Variants in KIAA1549L observed in about 807,000 individuals in gnomAD.
The protein encoded by KIAA1549L is UPF0606 protein KIAA1549L.
In KIAA1549L, 88 loss-of-function variants were observed where a neutral mutation model predicts 160.7. The ratio of observed to expected loss-of-function variants is 0.55; its 90% CI spans 0.46 to 0.65. KIAA1549L has a LOEUF of 0.65. Among genes scored for constraint, KIAA1549L ranks in the 30% least tolerant of loss-of-function variants. The pLI is 0.00. For missense variants in KIAA1549L, 2,258 were observed against 2,437.5 expected (o/e 0.93, Z 1.55); for synonymous variants, 950 against 976.7 (o/e 0.97, Z 0.51).
chr11:33,495,825 G>T (rs557252428), intron 1 of KIAA1549L, among the ~76,000 whole-genome samples: 88 of 151,886 alleles, frequency 5.8e-4, no homozygotes, highest in Non-Finnish European at 7.8e-4. Flanking sequence ...CATTCTAACT[G>T]GTGTGAGATG....
intron 1 of KIAA1549L, among the ~76,000 whole-genome samples, chr11:33,405,359 A>C (rs1850623093): frequency 6.6e-6 from 1 of 152,200 alleles, no homozygotes; most frequent in African/African-American, 2.4e-5. Flanking sequence ...AACAAAAAAG[A>C]CATTACAGAA....
chr11:33,503,762 A>G (rs1853008661), intron 1 of KIAA1549L, among the ~76,000 whole-genome samples: 1 of 152,242 alleles, frequency 6.6e-6, no homozygotes, highest in Admixed American at 6.5e-5. Context: ...TCATTTGACA[A>G]CTGGATTCAC....
In KIAA1549L at chr11:33,389,559, A is replaced by T. The variant is rs569439891; in HGVS notation, c.238+12670A>T. ...TTTGGCAGTTTCCTGTTATTATCTT[A>T]TTAATACTGGAGATGAACGTATGAA... On this transcript the variant is annotated intron_variant, in intron 1 of 20. Transcript: ENST00000658780. Among the ~76,000 whole-genome samples, 11 of 152,280 alleles carry T rather than the reference A, an allele frequency of 7.2e-5. No individual in the cohort carries two copies. The South Asian group carries it at 2.3e-3, about 32-fold the overall frequency.
chr11:33,608,042 C>T (rs545042137), intron 14 of KIAA1549L, among the ~76,000 whole-genome samples: 361 of 152,256 alleles, frequency 2.4e-3, no homozygotes, highest in Non-Finnish European at 4.1e-3. Context: ...TCCTGTCCAG[C>T]GCTCCTTTCC....
intron 12 of KIAA1549L, 129 bp from the exon 13 acceptor site, chr11:33,598,691 C>T: frequency 7.0e-6 from 8 of 1,146,820 alleles, no homozygotes; most frequent in Non-Finnish European, 9.8e-6. Context: ...TTTTCTGTAT[C>T]GTTTCCTCTT....
intron 1 of KIAA1549L, among the ~76,000 whole-genome samples, chr11:33,428,758 CAT>C (rs1398128345): frequency 6.6e-5 from 10 of 152,280 alleles, no homozygotes; most frequent in Admixed American, 1.3e-4. Context: ...CTGCAATAAA[CAT>C]ATGTGTGCAT....
At chr11:33,622,370 C>G (rs1247807175) in intron 16 of KIAA1549L, among the ~76,000 whole-genome samples, 2 of 152,124 alleles carry the variant, frequency 1.3e-5, no homozygotes, top group African/African-American at 4.8e-5. Flanking sequence ...CAGGGCTGGC[C>G]CTGAGGAGGG....
chr11:33,652,557 A>G (rs1344154799), intron 17 of KIAA1549L, among the ~76,000 whole-genome samples: 3 of 152,214 alleles, frequency 2.0e-5, no homozygotes, highest in Non-Finnish European at 4.4e-5. Context: ...AGACATAGAA[A>G]GCCTTTTCTT....
intron 1 of KIAA1549L, among the ~76,000 whole-genome samples, chr11:33,452,042 A>G (rs1851730952): frequency 6.6e-6 from 1 of 152,158 alleles, no homozygotes; most frequent in South Asian, 2.1e-4. Flanking sequence ...GATTTTCCCC[A>G]TTGTGCTATG....
intron 1 of KIAA1549L, among the ~76,000 whole-genome samples, chr11:33,532,463 C>G (rs79310264): frequency 3.9e-5 from 6 of 152,190 alleles, no homozygotes; most frequent in Non-Finnish European, 8.8e-5. Flanking sequence ...AAGGACTTTA[C>G]GCGTATCAGC....
chr11:33,398,275 A>T (rs547718653), intron 1 of KIAA1549L, among the ~76,000 whole-genome samples: 1 of 134,254 alleles, frequency 7.4e-6, no homozygotes, highest in Non-Finnish European at 1.6e-5. Flanking sequence ...TCAAAAATGT[A>T]AAAAAAAAAA....
intron 1 of KIAA1549L, among the ~76,000 whole-genome samples, chr11:33,425,027 A>C (rs1412746696): frequency 6.6e-6 from 1 of 152,200 alleles, no homozygotes; most frequent in Non-Finnish European, 1.5e-5. Context: ...GTGCTAGTTA[A>C]ATGAATGAAC....
In KIAA1549L at chr11:33,543,319, A is replaced by G. The variant is rs1018722940; in HGVS notation, c.1756A>G (p.Arg586Gly). ...GACGATTCCTCTCCAGGCCTTTCCAAGGAAAGAGGTTTTGAGTCTTCACAC... is the reference window on the plus strand; with the variant it reads ...GACGATTCCTCTCCAGGCCTTTCCAGGGAAAGAGGTTTTGAGTCTTCACAC... ...NVTIPLQAFP[R>G]KEVLSLHTVN... Residue 586 changes from arginine to glycine, a missense_variant, in exon 2 of 21, where the codon AGG becomes GGG. Around this residue, in one of 6 missense-constraint regions of KIAA1549L, gnomAD observed 540 missense variants for 465.7 expected, o/e 1.16. Transcript: ENST00000658780. The G allele has an allele frequency of 6.2e-7, 1 of 1,614,068 alleles. No individual in the cohort carries two copies. Among genetic ancestry groups the G allele is most frequent in the Non-Finnish European group, 8.5e-7 (1 of 1,179,900 alleles).
intron 1 of KIAA1549L, among the ~76,000 whole-genome samples, chr11:33,527,099 C>A (rs751851787): frequency 6.6e-6 from 1 of 152,034 alleles, no homozygotes; most frequent in Non-Finnish European, 1.5e-5. Flanking sequence ...CCTAATCCAA[C>A]AAAGACAAAG....
At chr11:33,455,157 A>G (rs7943651) in intron 1 of KIAA1549L, among the ~76,000 whole-genome samples, 54,645 of 152,178 alleles carry the variant, frequency 0.36, 11,445 homozygotes, top group South Asian at 0.46. Flanking sequence ...CAAAGGTTTA[A>G]TGATTGCTCC....
In KIAA1549L at chr11:33,545,014, A is replaced by C. The variant is rs375981012; in HGVS notation, c.3021A>C (p.Thr1007=). 1.4e-5 allele frequency: 22 copies of C among 1,613,826 alleles called. No homozygotes were observed. The highest frequency in any genetic ancestry group is 1.3e-5 in the Non-Finnish European group (15 of 1,179,864). The change falls in exon 3 of 21, where the codon ACA becomes ACC. Residue 1007 remains threonine, a synonymous_variant. Transcript: ENST00000658780. ...CAGTCCATACAGCCTTCCCATTCAC[A>C]CCAACCTACATGTATGCAAGAACAG... ...PGAVHTAFPF[T]PTYMYARTGH... is the part of the protein sequence containing the mutation.
intron 1 of KIAA1549L, among the ~76,000 whole-genome samples, chr11:33,400,988 G>A (rs1280839312): frequency 6.6e-6 from 1 of 152,100 alleles, no homozygotes; most frequent in East Asian, 1.9e-4. Flanking sequence ...CCACTGCTAA[G>A]CTGAATGCTC....
At chr11:33,387,296 C>T (rs1418584505) in intron 1 of KIAA1549L, among the ~76,000 whole-genome samples, 3 of 151,890 alleles carry the variant, frequency 2.0e-5, no homozygotes, top group Non-Finnish European at 2.9e-5. Context: ...TTCTCATTCT[C>T]TCTCTCTTTA....
rs1855117918 is a variant in KIAA1549L, at chr11:33,568,208, T to G, written c.4211T>G (p.Leu1404Arg). The G allele has an allele frequency of 6.2e-7, 1 of 1,612,994 alleles. No individual in the cohort carries two copies. Among genetic ancestry groups the G allele is most frequent in the Non-Finnish European group, 8.5e-7 (1 of 1,179,616 alleles). The change falls in exon 9 of 21, where the codon CTG becomes CGG. Residue 1404 changes from leucine to arginine, a missense_variant. Transcript: ENST00000658780. ...QGRRFKRATT[L>R]GSYTVQMVKM... ...CGGCGGTTTAAACGGGCCACCACCCTGGGAAGCTACACTGTGCAGGTAGGT... is the reference window on the plus strand; with the variant it reads ...CGGCGGTTTAAACGGGCCACCACCCGGGGAAGCTACACTGTGCAGGTAGGT...
Sources: allele counts gnomAD v4.1 joint callset (sites outside exome capture counted in the v4.1 genomes callset), GRCh38; gene constraint gnomAD v4.1.1; regional missense constraint gnomAD v4.1.1; transcripts MANE v1.5; gene names NCBI Gene and HGNC (gene_info 2026-07-23, HGNC 2026-07-21).